The following LAMA1 variants were observed in gnomAD, a reference collection of about 807,000 sequenced individuals.
LAMA1 encodes laminin subunit alpha 1, also known as laminin subunit alpha-1.
Under a neutral mutation model 348.7 loss-of-function variants are expected in LAMA1, and 219 were observed. The observed-to-expected ratio is 0.63, with a 90% CI of 0.56 to 0.70. The LOEUF is 0.70. LAMA1 is among the 30% of genes least tolerant of loss of function. The pLI, the probability that LAMA1 is intolerant of heterozygous loss-of-function variation, is 0.00. For missense variants in LAMA1, 3,744 were observed against 3,888.0 expected, an observed-to-expected ratio of 0.96 and a Z score of 0.99; for synonymous variants, 1,487 against 1,491.0, an observed-to-expected ratio of 1.00 and a Z score of 0.06.
intron 1 of LAMA1, among the ~76,000 whole-genome samples, chr18:7,088,150 A>G (rs566380406): frequency 1.3e-5 from 2 of 152,340 alleles, no homozygotes; most frequent in African/African-American, 4.8e-5. Context: ...CCTAAAGGAA[A>G]GGCTGACCTC....
chr18:7,080,926 T>C (rs2058191052), intron 1 of LAMA1, among the ~76,000 whole-genome samples: 1 of 152,190 alleles, frequency 6.6e-6, no homozygotes, highest in Admixed American at 6.5e-5. Flanking sequence ...TCTACTTATG[T>C]CTCCAATTCA....
chr18:6,949,025 C>A, intron 59 of LAMA1, 76 bp downstream of exon 59: 2 of 1,560,530 alleles, frequency 1.3e-6, no homozygotes, highest in South Asian at 2.3e-5. Context: ...CATAAAGATG[C>A]CGTGAGGTAT....
At chr18:6,980,881 T>A (rs2057708512) in intron 41 of LAMA1, among the ~76,000 whole-genome samples, 1 of 151,942 alleles carries the variant, frequency 6.6e-6, no homozygotes. Context: ...GATCACAAGG[T>A]CAGGAGATTG....
intron 16 of LAMA1, among the ~76,000 whole-genome samples, chr18:7,030,348 T>C (rs2057963158): frequency 6.6e-6 from 1 of 152,094 alleles, no homozygotes; most frequent in African/African-American, 2.4e-5. Context: ...GTCATAGTCA[T>C]GAAGGACAAG....
At chr18:7,104,616 A>AGAG (rs1444991864) in intron 1 of LAMA1, among the ~76,000 whole-genome samples, 4 of 152,220 alleles carry the variant, frequency 2.6e-5, no homozygotes, top group Non-Finnish European at 5.9e-5. Context: ...GAGGCTGTGG[A>AGAG]GAGGTCTGGG....
chr18:7,057,920 G>A (rs964043032), intron 3 of LAMA1, among the ~76,000 whole-genome samples: 22 of 151,270 alleles, frequency 1.5e-4, no homozygotes, highest in East Asian at 1.2e-3. Flanking sequence ...TCAGCCTCCC[G>A]AGTAGCTGGG....
At chr18:6,964,372 T>C (rs868607379) in intron 51 of LAMA1, among the ~76,000 whole-genome samples, 5 of 152,148 alleles carry the variant, frequency 3.3e-5, no homozygotes, top group African/African-American at 7.2e-5. Flanking sequence ...GAAGTCCTTA[T>C]GCAACATGAC....
chr18:6,962,023 G>A lies in LAMA1; in HGVS notation c.7374C>T (p.Ile2458=). Residue 2458 remains isoleucine (I), a synonymous_variant, in exon 52 of 63, where the codon ATC becomes ATT. Coordinates refer to ENST00000389658, the MANE Select transcript of LAMA1 (RefSeq NM_005559.4). ...TTGATCTGGATATTTCCAGGTTCTTGATGCAGCCCACAAAGCTTTTGGTGG... is the reference window on the plus strand; with the variant it reads ...TTGATCTGGATATTTCCAGGTTCTTAATGCAGCCCACAAAGCTTTTGGTGG... ...GVTTKSFVGC[I]KNLEISRSTF... 1.2e-6 allele frequency: 2 copies of A among 1,614,190 alleles called. No homozygotes were observed. Among genetic ancestry groups the A allele is most frequent in the Non-Finnish European group, 1.7e-6 (2 of 1,180,038 alleles).
At chr18:7,099,028 G>T (rs11081300) in intron 1 of LAMA1, among the ~76,000 whole-genome samples, 36,659 of 151,258 alleles carry the variant, frequency 0.24, 4,715 homozygotes, top group South Asian at 0.32. Flanking sequence ...AATAGAAAGG[G>T]GGGAAAGGCG....
intron 1 of LAMA1, among the ~76,000 whole-genome samples, chr18:7,094,857 A>G (rs191396675): frequency 1.1e-3 from 166 of 152,360 alleles, no homozygotes; most frequent in Middle Eastern, 6.8e-3. Context: ...TTCAAAAAGA[A>G]TAAAATATTT....
rs34130725 is a variant in LAMA1, at chr18:7,093,774, C to CT, written c.62-13318dup. ...TAAGAATTACTGCAGGGTTTCTCAA[C>CT]TTTTTTTTTTTTTTTTTTTTCAGAC... On this transcript the variant is annotated intron_variant, in intron 1 of 62. Coordinates refer to ENST00000389658, the MANE Select transcript of LAMA1 (RefSeq NM_005559.4). Among the ~76,000 whole-genome samples the CT allele has an allele frequency of 1.2e-3, 155 of 124,578 alleles. 1 individual carries two copies. The highest frequency in any genetic ancestry group is 1.8e-3 in the Admixed American group (22 of 12,064). The allele number at this position is 124,578 out of a possible 152,430, so 81.7% of individuals were successfully genotyped here. A position where few individuals can be genotyped will look rare whatever the true frequency, so the allele number is the denominator to read the frequency against.
intron 3 of LAMA1, among the ~76,000 whole-genome samples, chr18:7,053,780 A>ATTT (rs371341214): frequency 3.6e-5 from 5 of 138,302 alleles, no homozygotes; most frequent in Admixed American, 7.2e-5. Flanking sequence ...TCATTAGAGG[A>ATTT]TTTTTTTTTT....
intron 1 of LAMA1, among the ~76,000 whole-genome samples, chr18:7,099,002 A>G (rs1410880474): frequency 6.6e-6 from 1 of 152,154 alleles, no homozygotes; most frequent in African/African-American, 2.4e-5. Flanking sequence ...CCATGATGAC[A>G]ATGGTGGTTT....
chr18:7,011,629 G>A, intron 24 of LAMA1, 150 bp from the exon 25 acceptor site: 1 of 905,626 alleles, frequency 1.1e-6, no homozygotes, highest in Non-Finnish European at 1.8e-6. Flanking sequence ...CTAAACATCT[G>A]GAAGAAAATG....
intron 1 of LAMA1, among the ~76,000 whole-genome samples, chr18:7,109,180 A>G (rs1223262728): frequency 1.3e-5 from 2 of 152,230 alleles, no homozygotes; most frequent in African/African-American, 2.4e-5. Context: ...GAGAGGTGCC[A>G]GGGCTGGGTT....
chr18:7,005,897 A>T (rs992126285), intron 29 of LAMA1, among the ~76,000 whole-genome samples: 1 of 152,224 alleles, frequency 6.6e-6, no homozygotes, highest in African/African-American at 2.4e-5. Context: ...AGGGAAAACC[A>T]GAATCAAAAT....
At chr18:6,985,458 G>A in intron 38 of LAMA1, 58 bp from the exon 39 acceptor site, 2 of 1,603,970 alleles carry the variant, frequency 1.2e-6, no homozygotes, top group Non-Finnish European at 1.7e-6. Context: ...ACAGATATGT[G>A]TGCATATAGA....
chr18:6,971,966 T>G lies in LAMA1; in HGVS notation c.6790A>C (p.Lys2264Gln). Reference protein sequence around the residue: ...GGQIKKSPAVKVTHFKGCLGE... With the variant: ...GGQIKKSPAVQVTHFKGCLGE... ...AAGCAGCCTTTAAAATGAGTAACCT[T>G]CACAGCAGGAGATTTCTAATGCAAA... The change falls in exon 48 of 63, where the codon AAG (lysine) becomes CAG (glutamine). Residue 2264 changes from lysine to glutamine, a missense_variant. Transcript: ENST00000389658. 6.2e-7 allele frequency: 1 copy of G among 1,614,032 alleles called. No individual in the cohort carries two copies. Among genetic ancestry groups the G allele is most frequent in the Non-Finnish European group, 8.5e-7 (1 of 1,179,992 alleles).
chr18:6,961,902 A>G (rs753530724), intron 52 of LAMA1, 43 bp downstream of exon 52: 2 of 1,572,686 alleles, frequency 1.3e-6, no homozygotes, highest in Non-Finnish European at 1.8e-6. Context: ...ATCAATGGAC[A>G]CTTATGGAAA....
Sources: gnomAD v4.1 joint callset for allele counts (sites outside exome capture counted in the v4.1 genomes callset) on GRCh38, gnomAD v4.1.1 for gene constraint, MANE v1.5 for transcripts, NCBI Gene and HGNC (gene_info 2026-07-23, HGNC 2026-07-21) for gene names.